Variants in RGS7 observed in about 807,000 individuals in gnomAD.
RGS7 encodes regulator of G protein signaling 7.
Under a neutral mutation model 81.1 loss-of-function variants are expected in RGS7, and 27 were observed. The observed-to-expected ratio is 0.33, with a 90% CI of 0.25 to 0.46. The LOEUF (loss-of-function observed/expected upper bound fraction) is 0.46, where lower values mean the gene tolerates loss of function less well. Ranked by LOEUF, RGS7 falls within the 20% of genes least tolerant of loss-of-function variation. RGS7 has a pLI of 1.00. For missense variants in RGS7, 396 were observed against 607.4 expected (o/e 0.65, Z 3.66); for synonymous variants, 208 against 207.7 (o/e 1.00, Z -0.01).
chr1:241,290,493 T>A (rs1469714492), intron 2 of RGS7, among the ~76,000 whole-genome samples: 1 of 152,238 alleles, frequency 6.6e-6, no homozygotes, highest in African/African-American at 2.4e-5. Context: ...ATCATTCGTT[T>A]CATTTTTCTT....
chr1:241,261,111 A>T (rs550220142), intron 2 of RGS7, among the ~76,000 whole-genome samples: 1 of 152,148 alleles, frequency 6.6e-6, no homozygotes, highest in African/African-American at 2.4e-5. Flanking sequence ...ACAAACAAAA[A>T]AAAACAAACA....
chr1:240,924,043 A>G (rs1674017615), intron 6 of RGS7, among the ~76,000 whole-genome samples: 1 of 152,162 alleles, frequency 6.6e-6, no homozygotes, highest in Non-Finnish European at 1.5e-5. Flanking sequence ...TTAGTTGGTC[A>G]TAAATCCCTT....
intron 9 of RGS7, among the ~76,000 whole-genome samples, chr1:240,832,912 A>G (rs886451881): frequency 2.0e-5 from 3 of 152,154 alleles, no homozygotes; most frequent in Non-Finnish European, 4.4e-5. Flanking sequence ...GATATGTTTT[A>G]CTACTGCCCA....
intron 2 of RGS7, among the ~76,000 whole-genome samples, chr1:241,322,415 T>C (rs2081264809): frequency 6.6e-6 from 1 of 152,238 alleles, no homozygotes; most frequent in East Asian, 1.9e-4. Context: ...TGGTTGACTA[T>C]ATATTCACTC....
At chr1:241,329,944 T>C (rs2081866292) in intron 2 of RGS7, among the ~76,000 whole-genome samples, 1 of 152,132 alleles carries the variant, frequency 6.6e-6, no homozygotes, top group Non-Finnish European at 1.5e-5. Flanking sequence ...TGTTTGTTTT[T>C]TGTTTTTTGT....
intron 2 of RGS7, among the ~76,000 whole-genome samples, chr1:241,353,249 A>T (rs558149479): frequency 6.6e-6 from 1 of 152,170 alleles, no homozygotes; most frequent in South Asian, 2.1e-4. Context: ...TTCAACCAAC[A>T]CCCCTCTCCA....
rs1158514403 is a variant in RGS7, at chr1:241,089,021, ATCTCTCTC to A, written c.175+9637_175+9644del. On this transcript the variant is annotated intron_variant, in intron 3 of 18. Transcript: ENST00000440928. ...AGCCTGGGCCACAGAGCAAGACTCC[ATCTCTCTC>A]TCTCTCTCTCTCTCTCTCTCTCTCT... 9.3e-4 allele frequency among the ~76,000 whole-genome samples: 22 copies of A among 23,656 alleles called. 1 individual carries two copies. Among genetic ancestry groups the A allele is most frequent in the Admixed American group, 2.7e-3 (5 of 1,856 alleles). 15.5% of individuals were successfully genotyped at this position (23,656 alleles called of 152,430 possible).
intron 2 of RGS7, among the ~76,000 whole-genome samples, chr1:241,127,618 A>G (rs1343360738): frequency 6.6e-6 from 1 of 152,160 alleles, no homozygotes; most frequent in East Asian, 1.9e-4. Context: ...GGTGCAGCAC[A>G]CCAACATGGC....
intron 2 of RGS7, among the ~76,000 whole-genome samples, chr1:241,103,161 G>A (rs2064882960): frequency 6.6e-6 from 1 of 152,108 alleles, no homozygotes; most frequent in Admixed American, 6.5e-5. Flanking sequence ...ATATGTATGT[G>A]TGTGTATATA....
At position 241,153,222 on chromosome 1, in the gene RGS7, G is replaced by A. The variant is rs141764557; in HGVS notation, c.79-54460C>T. Among the ~76,000 whole-genome samples, 52 of 152,304 alleles carry A rather than the reference G, an allele frequency of 3.4e-4. No individual in the cohort carries two copies. In the Middle Eastern group the frequency reaches 0.01, roughly 30 times the overall value. ...GTCAGGCTGATGACTGAGGGTGGGAGCATCATGGAGAGTCACATTAGAAGT... is the reference window on the plus strand; with the variant it reads ...GTCAGGCTGATGACTGAGGGTGGGAACATCATGGAGAGTCACATTAGAAGT... On this transcript the variant is annotated intron_variant, in intron 2 of 18. Transcript: ENST00000440928.
chr1:240,998,336 A>C, intron 3 of RGS7: 1 of 451,730 alleles, frequency 2.2e-6, no homozygotes, highest in South Asian at 2.6e-5. Context: ...CAGCTTCTTC[A>C]ACTGAAGGTT....
At chr1:241,023,931 G>A (rs1321775033) in intron 3 of RGS7, among the ~76,000 whole-genome samples, 4 of 152,146 alleles carry the variant, frequency 2.6e-5, no homozygotes, top group Non-Finnish European at 2.9e-5. Context: ...TTTTAGTAGA[G>A]AGGGGTTTCT....
At position 241,236,177 on chromosome 1, in the gene RGS7, A is replaced by G. The variant is rs139120698; in HGVS notation, c.78+119522T>C. On this transcript the variant is annotated intron_variant, in intron 2 of 18. Transcript: ENST00000440928. ...GAGCAAATGACGACCTCCGCCCCCCATATTTTAGAAACAAATAACTGAATG... is the reference window on the plus strand; with the variant it reads ...GAGCAAATGACGACCTCCGCCCCCCGTATTTTAGAAACAAATAACTGAATG... Among the ~76,000 whole-genome samples, 4 of 139,186 alleles carry G rather than the reference A, an allele frequency of 2.9e-5. No homozygotes were observed. In the East Asian group the frequency reaches 8.5e-4, roughly 30 times the overall value. The allele number at this position is 139,186 out of a possible 152,430, so 91.3% of individuals were successfully genotyped here.
At chr1:241,250,041 T>C (rs77847094) in intron 2 of RGS7, among the ~76,000 whole-genome samples, 51 of 152,226 alleles carry the variant, frequency 3.4e-4, no homozygotes, top group Non-Finnish European at 5.6e-4. Flanking sequence ...GTTAAGACTA[T>C]ACAGAAGAAT....
chr1:241,219,472 T>C (rs2074769689), intron 2 of RGS7, among the ~76,000 whole-genome samples: 2 of 152,136 alleles, frequency 1.3e-5, no homozygotes, highest in South Asian at 4.1e-4. Context: ...GGTGTGTCTT[T>C]ATCAGCAGCA....
At chr1:240,952,834 A>AG (rs983619032) in intron 4 of RGS7, among the ~76,000 whole-genome samples, 12 of 4,544 alleles carry the variant, frequency 2.6e-3, no homozygotes, top group African/African-American at 2.9e-3. Flanking sequence ...ATATGTTAAA[A>AG]GGGGGGAAAA....
intron 6 of RGS7, among the ~76,000 whole-genome samples, chr1:240,907,623 C>A (rs528368702): frequency 2.0e-5 from 3 of 152,242 alleles, no homozygotes; most frequent in Admixed American, 2.0e-4. Context: ...ACAAGGGATG[C>A]AGCAGAGGCA....
intron 2 of RGS7, among the ~76,000 whole-genome samples, chr1:241,108,054 G>GGATGCC (rs774522203): frequency 1.1e-4 from 17 of 152,134 alleles, no homozygotes; most frequent in Non-Finnish European, 1.9e-4. Flanking sequence ...CAGCACTTTG[G>GGATGCC]GATGCCGAGG....
chr1:240,970,743 G>A (rs1270011435), intron 4 of RGS7, among the ~76,000 whole-genome samples: 1 of 152,136 alleles, frequency 6.6e-6, no homozygotes, highest in East Asian at 1.9e-4. Context: ...CCAGCACTTT[G>A]GGAGGCCATG....
Sources: allele counts gnomAD v4.1 joint callset (sites outside exome capture counted in the v4.1 genomes callset), GRCh38; gene constraint gnomAD v4.1.1; transcripts MANE v1.5; gene names NCBI Gene and HGNC (gene_info 2026-07-23, HGNC 2026-07-21).